The following CYP3A43 variants were observed in gnomAD, a reference collection of about 807,000 sequenced individuals.
The protein encoded by CYP3A43 is cytochrome P450 family 3 subfamily A member 43, also known as cytochrome P450 3A43.
CYP3A43 carries 45 observed loss-of-function variants against 58.0 expected under a neutral mutation model. That is an observed-to-expected ratio of 0.78 (90% CI 0.61 to 0.99). The LOEUF (loss-of-function observed/expected upper bound fraction) is 0.99, where lower values mean the gene tolerates loss of function less well. Among genes scored for constraint, CYP3A43 ranks in the 50% least tolerant of loss-of-function variants. CYP3A43 has a pLI of 0.00. For synonymous variants in CYP3A43, 191 were observed against 201.4 expected, an observed-to-expected ratio of 0.95 and a Z score of 0.44; for missense variants, 593 against 591.9, an observed-to-expected ratio of 1.00 and a Z score of -0.02.
At position 99,861,874 on chromosome 7, in the gene CYP3A43, C is replaced by G. The variant is rs79027530; in HGVS notation, c.1253+35C>G. ...CCCTGGGAAAGGAGCCTTCCCTCAACCAGCCTGATTCAAGTATATTCTGCC... is the reference window on the plus strand; with the variant it reads ...CCCTGGGAAAGGAGCCTTCCCTCAAGCAGCCTGATTCAAGTATATTCTGCC... On this transcript the variant is annotated intron_variant, in intron 11 of 12. Coordinates refer to ENST00000354829, the MANE Select transcript of CYP3A43 (RefSeq NM_057095.3). 1,219 of 1,566,758 alleles carry G rather than the reference C, an allele frequency of 7.8e-4. 9 individuals carry two copies. In the African/African-American group the frequency reaches 0.014, roughly 18 times the overall value.
At chr7:99,840,433 G>A (rs1485436049) in intron 3 of CYP3A43, among the ~76,000 whole-genome samples, 1 of 152,160 alleles carries the variant, frequency 6.6e-6, no homozygotes, top group Non-Finnish European at 1.5e-5. Context: ...ACCTTGAGAT[G>A]AATATGTAAC....
intron 6 of CYP3A43, among the ~76,000 whole-genome samples, chr7:99,849,054 C>T (rs964252150): frequency 6.6e-6 from 1 of 152,156 alleles, no homozygotes; most frequent in Admixed American, 6.5e-5. Flanking sequence ...GGGAGTGCAG[C>T]GGAGACATGA....
At position 99,838,722 on chromosome 7, in the gene CYP3A43, G is replaced by A. The variant is rs192701237; in HGVS notation, c.166-398G>A. On this transcript the variant is annotated intron_variant, in intron 2 of 12. Transcript: ENST00000354829. ...CAGCTGGGCGTGGTGGCTCACGCCT[G>A]TAATCCCAGCACTTTGGGAGGCTGA... 9 of 1,240,672 alleles carry A rather than the reference G, an allele frequency of 7.3e-6. No homozygotes were observed. In the Admixed American group the frequency reaches 2.1e-4, roughly 29 times the overall value. 76.9% of individuals were successfully genotyped at this position (1,240,672 alleles called of 1,614,324 possible).
intron 11 of CYP3A43, among the ~76,000 whole-genome samples, chr7:99,862,097 TTTTA>T (rs757778671): frequency 6.6e-6 from 1 of 152,328 alleles, no homozygotes; most frequent in Middle Eastern, 3.4e-3. Context: ...TACTATCACA[TTTTA>T]TTTGAGTTTG....
chr7:99,839,275 T>C, intron 3 of CYP3A43, 103 bp downstream of exon 3: 1 of 1,369,662 alleles, frequency 7.3e-7, no homozygotes, highest in East Asian at 2.3e-5. Context: ...GATAATGCTA[T>C]TGTCAACCTA....
At chr7:99,838,076 G>C (rs184376005) in intron 2 of CYP3A43, among the ~76,000 whole-genome samples, 5 of 152,254 alleles carry the variant, frequency 3.3e-5, no homozygotes, top group Admixed American at 3.3e-4. Flanking sequence ...GCTATATGTT[G>C]CCTAGTTAGA....
chr7:99,848,605 G>A (rs1316727686), intron 6 of CYP3A43, among the ~76,000 whole-genome samples: 1 of 152,158 alleles, frequency 6.6e-6, no homozygotes, highest in Admixed American at 6.5e-5. Context: ...GAAGGTGTTT[G>A]ATAGCTGTTG....
chr7:99,859,614 G>A (rs1049516477), intron 9 of CYP3A43, among the ~76,000 whole-genome samples: 16 of 150,666 alleles, frequency 1.1e-4, no homozygotes, highest in African/African-American at 3.5e-4. Flanking sequence ...GCCCACAATC[G>A]TGTAGACCCT....
At chr7:99,843,907 CTCTT>C (rs1437551377) in intron 3 of CYP3A43, among the ~76,000 whole-genome samples, 9 of 152,208 alleles carry the variant, frequency 5.9e-5, no homozygotes, top group African/African-American at 2.2e-4. Flanking sequence ...CTTTCAATGA[CTCTT>C]TCCTGTTTGA....
intron 4 of CYP3A43, among the ~76,000 whole-genome samples, chr7:99,844,501 G>A (rs890824732): frequency 1.3e-5 from 2 of 152,112 alleles, no homozygotes. Context: ...ATATGTGTGT[G>A]TGTAGCATTA....
chr7:99,859,398 T>C (rs1473959357), intron 9 of CYP3A43, among the ~76,000 whole-genome samples: 1 of 152,190 alleles, frequency 6.6e-6, no homozygotes, highest in Non-Finnish European at 1.5e-5. Flanking sequence ...TTGCAAACTG[T>C]CTCATTGTTT....
chr7:99,832,172 T>A (rs1816869568), intron 1 of CYP3A43, among the ~76,000 whole-genome samples: 1 of 151,768 alleles, frequency 6.6e-6, no homozygotes, highest in Non-Finnish European at 1.5e-5. Flanking sequence ...AAAGAAGGTG[T>A]CAGCAAAGGG....
intron 3 of CYP3A43, among the ~76,000 whole-genome samples, chr7:99,842,160 C>T (rs1817358556): frequency 1.3e-5 from 2 of 152,110 alleles, no homozygotes; most frequent in Admixed American, 6.5e-5. Context: ...TTTCTATGCC[C>T]ATTTTCTGCC....
chr7:99,847,637 A>G (rs950602078), intron 5 of CYP3A43, 36 bp downstream of exon 5: 1 of 1,610,572 alleles, frequency 6.2e-7, no homozygotes, highest in South Asian at 1.1e-5. Context: ...TAGAAACTTA[A>G]AGGATGAATC....
chr7:99,844,683 A>G (rs1817473314), intron 4 of CYP3A43, among the ~76,000 whole-genome samples: 1 of 152,116 alleles, frequency 6.6e-6, no homozygotes, highest in Non-Finnish European at 1.5e-5. Flanking sequence ...AGTGAGGCCA[A>G]TTTATCCATT....
chr7:99,835,024 T>G (rs917666196), intron 1 of CYP3A43, among the ~76,000 whole-genome samples: 1 of 152,174 alleles, frequency 6.6e-6, no homozygotes, highest in Admixed American at 6.5e-5. Flanking sequence ...CACCGGCTGA[T>G]CAAAATGCTT....
chr7:99,851,731 C>G lies in CYP3A43; in HGVS notation c.670+2037C>G, dbSNP rs182282414. Among the ~76,000 whole-genome samples the G allele has an allele frequency of 7.1e-4, 108 of 152,312 alleles. 1 individual carries two copies. Among genetic ancestry groups the G allele is most frequent in the Admixed American group, 7.1e-3 (108 of 15,290 alleles). Reference sequence around the variant, plus strand: ...CTCCCATTCTATACATGTCTTTTTACTTTCTTGATATTGTTCTTTGAACTT... The same window carrying G: ...CTCCCATTCTATACATGTCTTTTTAGTTTCTTGATATTGTTCTTTGAACTT... On this transcript the variant is annotated intron_variant, in intron 7 of 12. Transcript: ENST00000354829.
At chr7:99,845,768 G>T (rs1365352824) in intron 4 of CYP3A43, among the ~76,000 whole-genome samples, 1 of 146,688 alleles carries the variant, frequency 6.8e-6, no homozygotes, top group African/African-American at 2.6e-5. Flanking sequence ...TATTGTTTTA[G>T]TTCTTGTTTT....
At chr7:99,829,034 C>T (rs1216625940) in intron 1 of CYP3A43, among the ~76,000 whole-genome samples, 1 of 152,178 alleles carries the variant, frequency 6.6e-6, no homozygotes, top group Non-Finnish European at 1.5e-5. Context: ...TCAGAAACTC[C>T]CTATCAGAAG....
Sources: allele counts gnomAD v4.1 joint callset (sites outside exome capture counted in the v4.1 genomes callset), GRCh38; gene constraint gnomAD v4.1.1; transcripts MANE v1.5; gene names NCBI Gene and HGNC (gene_info 2026-07-23, HGNC 2026-07-21).